MICALL2: variants seen among roughly 807,000 people sequenced by gnomAD.
MICALL2 encodes MICAL like 2.
Under a neutral mutation model 91.1 loss-of-function variants are expected in MICALL2, and 111 were observed. That is an observed-to-expected ratio of 1.22 (90% CI 1.04 to 1.43). The LOEUF (loss-of-function observed/expected upper bound fraction) is 1.43, where lower values mean the gene tolerates loss of function less well. Ranked by LOEUF, MICALL2 falls within the 40% of genes most tolerant of loss-of-function variation. The probability of loss-of-function intolerance (pLI) is 0.00; values close to 1 mark genes in which losing one functional copy is unlikely to be tolerated. For synonymous variants in MICALL2, 694 were observed against 525.3 expected, an observed-to-expected ratio of 1.32 and a Z score of -4.39; for missense variants, 1,556 against 1,236.0, an observed-to-expected ratio of 1.26 and a Z score of -3.88.
chr7:1,447,261 G>A (rs997012085), intron 4 of MICALL2, among the ~76,000 whole-genome samples: 11 of 152,300 alleles, frequency 7.2e-5, no homozygotes, highest in East Asian at 5.8e-4. Flanking sequence ...CTGCAGAGCC[G>A]GCCTTGGGTA....
chr7:1,435,031 A>C, intron 16 of MICALL2, 70 bp downstream of exon 16: 1 of 815,298 alleles, frequency 1.2e-6, no homozygotes, highest in African/African-American at 2.2e-5. Context: ...CCAGCCAGCC[A>C]GCCCAGCACT....
intron 10 of MICALL2, 160 bp from the exon 11 acceptor site, chr7:1,438,513 A>G (rs1449671775): frequency 4.9e-6 from 7 of 1,441,544 alleles, no homozygotes; most frequent in Non-Finnish European, 6.4e-6. Flanking sequence ...ACCCAGCCCC[A>G]CAGACACCTG....
Position 1,438,301 on chromosome 7 carries a change from G to T in MICALL2, c.2175C>A (p.Thr725=). ...CACCACTACTCACCCTGACTGGGGAGGTCACCGTCTCGCCAGGCAGAGCAG... is the reference window on the plus strand; with the variant it reads ...CACCACTACTCACCCTGACTGGGGATGTCACCGTCTCGCCAGGCAGAGCAG... ...NVPALPGETV[T]SPVRLHPDYL... The change falls in exon 11 of 17, where the codon ACC becomes ACA. Residue 725 remains threonine, a synonymous_variant. Coordinates refer to ENST00000297508, the MANE Select transcript of MICALL2 (RefSeq NM_182924.4). The T allele has an allele frequency of 6.2e-7, 1 of 1,601,538 alleles. No homozygotes were observed. Among genetic ancestry groups the T allele is most frequent in the Non-Finnish European group, 8.5e-7 (1 of 1,174,908 alleles).
intron 1 of MICALL2, among the ~76,000 whole-genome samples, chr7:1,456,412 C>A (rs1267581820): frequency 6.6e-6 from 1 of 152,014 alleles, no homozygotes; most frequent in East Asian, 1.9e-4. Flanking sequence ...ATGGCAAAAC[C>A]CCGTCTCTAG....
rs1276577392 is a variant in MICALL2, at chr7:1,439,728, A to AACACATGCACACATGCATCAC, written c.1966+176_1966+196dup. The AACACATGCACACATGCATCAC allele has an allele frequency of 1.2e-3, 519 of 447,982 alleles. 1 individual carries two copies. The highest frequency in any genetic ancestry group is 9.6e-3 in the African/African-American group (471 of 48,932). 27.8% of individuals were successfully genotyped at this position (447,982 alleles called of 1,614,324 possible). A position where few individuals can be genotyped will look rare whatever the true frequency, so the allele number is the denominator to read the frequency against. Reference sequence around the variant, plus strand: ...CATGGATACAGGCATCACATACATGAACACATGCACACATGCATCACACAC... The same window carrying AACACATGCACACATGCATCAC: ...CATGGATACAGGCATCACATACATGAACACATGCACACATGCATCACACACATGCACACATGCATCACACAC... On this transcript the variant is annotated intron_variant, in intron 9 of 16. Transcript: ENST00000297508.
chr7:1,442,864 C>T (rs1386722361), intron 6 of MICALL2, among the ~76,000 whole-genome samples: 1 of 152,170 alleles, frequency 6.6e-6, no homozygotes, highest in East Asian at 1.9e-4. Flanking sequence ...AGGCTGGAGG[C>T]ACCTGGGGCT....
In MICALL2 at chr7:1,451,079, C is replaced by T. The variant is rs141783958; in HGVS notation, c.144-791G>A. ...GCCTTCCCAGGTGCTCAGCGAGGGCCCAGCCTCACCCCTGACTCGCACACT... is the reference window on the plus strand; with the variant it reads ...GCCTTCCCAGGTGCTCAGCGAGGGCTCAGCCTCACCCCTGACTCGCACACT... On this transcript the variant is annotated intron_variant, in intron 1 of 16. Transcript: ENST00000297508. The surrounding 1 kb of genome is among the most constrained non-coding windows in gnomAD (Gnocchi z 4.5). Among the ~76,000 whole-genome samples, 38 of 152,226 alleles carry T rather than the reference C, an allele frequency of 2.5e-4. No homozygotes were observed. The highest frequency in any genetic ancestry group is 8.7e-4 in the African/African-American group (36 of 41,534).
intron 7 of MICALL2, chr7:1,441,787 C>T (rs1001263251): frequency 1.1e-4 from 27 of 244,310 alleles, no homozygotes; most frequent in East Asian, 1.1e-3. Flanking sequence ...ACAGCAACAG[C>T]GCGACGTTGT....
At position 1,459,310 on chromosome 7, in the gene MICALL2, G is replaced by C; in HGVS notation, c.17C>G (p.Ala6Gly). The change falls in exon 1 of 17, where the codon GCG (alanine) becomes GGG (glycine). Residue 6 changes from alanine to glycine, a missense_variant. By Grantham distance (60) the Ala-to-Gly change is moderately conservative (BLOSUM62 0). Transcript: ENST00000297508. Reference sequence around the variant, plus strand: ...CTGCTGCCGGCACCACTGTTGCAGCGCCCTGATGGCCGCCATGTGGGCGGC... The same window carrying C: ...CTGCTGCCGGCACCACTGTTGCAGCCCCCTGATGGCCGCCATGTGGGCGGC... MAAIR[A>G]LQQWCRQQCE... 6.4e-7 allele frequency: 1 copy of C among 1,558,904 alleles called. No individual in the cohort carries two copies. Among genetic ancestry groups the C allele is most frequent in the Non-Finnish European group, 8.7e-7 (1 of 1,155,332 alleles).
intron 1 of MICALL2, among the ~76,000 whole-genome samples, chr7:1,450,934 C>T (rs1780803071): frequency 6.6e-6 from 1 of 152,238 alleles, no homozygotes; most frequent in Non-Finnish European, 1.5e-5. Context: ...GTGGAGCAGA[C>T]ACCGGTTATG....
At chr7:1,442,038 A>C in intron 7 of MICALL2, 154 bp downstream of exon 7, 1 of 862,372 alleles carries the variant, frequency 1.2e-6, no homozygotes, top group Non-Finnish European at 1.8e-6. Context: ...GGACCCCAGG[A>C]GGCTGCGAGC....
rs986992602 is a variant in MICALL2, at chr7:1,434,475, G to A, written c.*121C>T. The A allele has an allele frequency of 2.2e-4, 193 of 868,722 alleles. 1 individual carries two copies. The highest frequency in any genetic ancestry group is 3.2e-4 in the Non-Finnish European group (163 of 517,150). 53.8% of individuals were successfully genotyped at this position (868,722 alleles called of 1,614,324 possible). ...CTTCCCGAGTCCAAGTCCGAATGCC[G>A]GGTCCGGGCCGAGCCCACGGCCCCG... On this transcript the variant is annotated 3_prime_UTR_variant, in exon 17 of 17. Transcript: ENST00000297508.
At chr7:1,434,981 A>AGCCCC in intron 16 of MICALL2, 120 bp downstream of exon 16, 12 of 372,294 alleles carry the variant, frequency 3.2e-5, no homozygotes, top group Non-Finnish European at 4.4e-5. Flanking sequence ...GGGACCCGAT[A>AGCCCC]CCCGCCCCCC....
At position 1,452,843 on chromosome 7, in the gene MICALL2, G is replaced by A. The variant is rs913697744; in HGVS notation, c.144-2555C>T. Among the ~76,000 whole-genome samples the A allele has an allele frequency of 2.6e-5, 4 of 152,086 alleles. No homozygotes were observed. Among genetic ancestry groups the A allele is most frequent in the African/African-American group, 9.7e-5 (4 of 41,400 alleles). ...GGGCGTTTGAGGCCTATTCAACTGG[G>A]CTGCACCACCCCGGCCGGTCCCACA... On this transcript the variant is annotated intron_variant, in intron 1 of 16. Coordinates refer to ENST00000297508, the MANE Select transcript of MICALL2 (RefSeq NM_182924.4). The surrounding 1 kb of genome is among the most constrained non-coding windows in gnomAD (Gnocchi z 6.2).
At position 1,447,715 on chromosome 7, in the gene MICALL2, G is replaced by T; in HGVS notation, c.385C>A (p.Pro129Thr). The T allele has an allele frequency of 6.3e-7, 1 of 1,577,124 alleles. No homozygotes were observed. Among genetic ancestry groups the T allele is most frequent in the East Asian group, 2.3e-5 (1 of 42,904 alleles). The change falls in exon 4 of 17, where the codon CCG becomes ACG. Residue 129 changes from proline to threonine, a missense_variant. Physicochemically the swap from Pro to Thr is conservative, Grantham distance 38. Transcript: ENST00000297508. ...TGGACTGGAGCCTTCTTCCCTGACG[G>T]CTCCTCCTCAGAGTCCTCCGAGGCC... Reference protein sequence around the residue: ...KRASEDSEEEPSGKKAPVQAA... With the variant: ...KRASEDSEEETSGKKAPVQAA...
intron 5 of MICALL2, 154 bp downstream of exon 5, chr7:1,446,559 A>C: frequency 2.0e-6 from 1 of 492,288 alleles, no homozygotes. Context: ...GGAGGAGGGG[A>C]GACGGGGAGG....
intron 6 of MICALL2, 26 bp from the exon 7 acceptor site, chr7:1,442,510 G>A: frequency 1.3e-6 from 2 of 1,514,444 alleles, no homozygotes; most frequent in East Asian, 2.3e-5. Flanking sequence ...CAGGCATCAG[G>A]CACAGCTGGA....
intron 5 of MICALL2, among the ~76,000 whole-genome samples, chr7:1,445,817 A>G (rs566573460): frequency 9.1e-4 from 138 of 152,230 alleles, no homozygotes; most frequent in African/African-American, 2.9e-3. Context: ...TGGAACTGGG[A>G]GGACCGGCCC....
chr7:1,440,056 AGGGCCCGT>A lies in MICALL2; in HGVS notation c.1827_1834del (p.Arg610GlyfsTer30). 3 of 1,585,956 alleles carry A rather than the reference AGGGCCCGT, an allele frequency of 1.9e-6. No homozygotes were observed. In the South Asian group the frequency reaches 3.5e-5, roughly 18 times the overall value. On this transcript the variant is annotated frameshift_variant, in exon 9 of 17. Coordinates refer to ENST00000297508, the MANE Select transcript of MICALL2 (RefSeq NM_182924.4). LOFTEE classifies it high-confidence loss of function. Reference sequence around the variant, plus strand: ...GGCCTCCCCCGCCCTCGGCTCTGCCAGGGCCCGTGGTTCCTTGGGCTTCAGAGTCCTGG... The same window carrying A: ...GGCCTCCCCCGCCCTCGGCTCTGCCAGGTTCCTTGGGCTTCAGAGTCCTGG...
Sources: allele counts gnomAD v4.1 joint callset (sites outside exome capture counted in the v4.1 genomes callset), GRCh38; gene constraint gnomAD v4.1.1; non-coding constraint Gnocchi (gnomAD v3.1); transcripts MANE v1.5; gene names NCBI Gene and HGNC (gene_info 2026-07-23, HGNC 2026-07-21).